Variants in CAST observed in about 807,000 individuals in gnomAD.
The protein encoded by CAST is MIR583 host.
CAST carries 76 observed loss-of-function variants against 119.6 expected under a neutral mutation model. The observed-to-expected ratio is 0.64, with a 90% CI of 0.53 to 0.77. The LOEUF (loss-of-function observed/expected upper bound fraction) is 0.77, where lower values mean the gene tolerates loss of function less well. Among genes scored for constraint, CAST ranks in the 30% least tolerant of loss-of-function variants. The pLI is 0.00. For synonymous variants in CAST, 319 were observed against 331.6 expected, an observed-to-expected ratio of 0.96 and a Z score of 0.41; for missense variants, 953 against 946.5, an observed-to-expected ratio of 1.01 and a Z score of -0.09.
At chr5:96,737,165 A>G (rs561722198) in intron 10 of CAST, among the ~76,000 whole-genome samples, 5 of 152,276 alleles carry the variant, frequency 3.3e-5, no homozygotes, top group Admixed American at 1.3e-4. Context: ...GGGGATTACA[A>G]TTGGAGTTGA....
the CAST span, among the ~76,000 whole-genome samples, chr5:96,070,574 A>G: frequency 1.3e-5 from 2 of 152,186 alleles, no homozygotes; most frequent in Non-Finnish European, 2.9e-5. Context: ...CTCATTTAGC[A>G]GCTGGGTGAT....
the CAST span, among the ~76,000 whole-genome samples, chr5:96,330,179 T>A: frequency 6.6e-6 from 1 of 152,230 alleles, no homozygotes; most frequent in Admixed American, 6.5e-5. Context: ...TATTTGACCA[T>A]TTTTTAAAAA....
intron 16 of CAST, 22 bp downstream of exon 16, chr5:96,742,778 T>C (rs1762973406): frequency 6.4e-7 from 1 of 1,550,712 alleles, no homozygotes; most frequent in South Asian, 1.1e-5. Context: ...AGAGTTGATT[T>C]ACAAAGCTTG....
At chr5:96,347,445 T>C in the CAST span, among the ~76,000 whole-genome samples, 1 of 152,202 alleles carries the variant, frequency 6.6e-6, no homozygotes, top group Non-Finnish European at 1.5e-5. Context: ...GGTGCACTCC[T>C]GTTCAAAGCT....
At chr5:96,661,444 G>C (rs75904839), upstream of CAST, among the ~76,000 whole-genome samples, 1 of 127,478 alleles carries the variant, frequency 7.8e-6, no homozygotes, top group African/African-American at 2.9e-5. Context: ...AAAAAAAAAA[G>C]GCTCTGCCTT....
chr5:96,409,538 A>C, the CAST span, among the ~76,000 whole-genome samples: 1 of 152,208 alleles, frequency 6.6e-6, no homozygotes, highest in African/African-American at 2.4e-5. Context: ...TTTCTTAAGG[A>C]GGGAGTTTTA....
chr5:96,320,828 G>T, the CAST span, among the ~76,000 whole-genome samples: 1 of 152,138 alleles, frequency 6.6e-6, no homozygotes, highest in Admixed American at 6.5e-5. Flanking sequence ...CAGGCTAGGG[G>T]GATGCAGTTG....
chr5:96,003,128 T>C, the CAST span, among the ~76,000 whole-genome samples: 2 of 152,104 alleles, frequency 1.3e-5, no homozygotes, highest in African/African-American at 4.8e-5. Flanking sequence ...TAGTCCCAGC[T>C]ACTTGAGTGG....
chr5:96,705,267 G>A (rs1188065596), intron 3 of CAST, among the ~76,000 whole-genome samples: 4 of 151,938 alleles, frequency 2.6e-5, no homozygotes, highest in Non-Finnish European at 5.9e-5. Context: ...GTAGTGAGCT[G>A]TGATTGTGCT....
At chr5:96,593,398 G>C (rs1300963456) in intron 1 of CAST, among the ~76,000 whole-genome samples, 1 of 152,166 alleles carries the variant, frequency 6.6e-6, no homozygotes, top group East Asian at 1.9e-4. Context: ...CGTTTCATGG[G>C]TGTGTGACCT....
At chr5:95,961,622 G>A in the CAST span, 1 of 1,607,668 alleles carries the variant, frequency 6.2e-7, no homozygotes, top group Non-Finnish European at 8.5e-7. Flanking sequence ...GTCTCGGTGA[G>A]CTTCACATGC....
At chr5:96,603,526 C>T (rs570218924) in intron 1 of CAST, among the ~76,000 whole-genome samples, 25 of 152,298 alleles carry the variant, frequency 1.6e-4, no homozygotes, top group African/African-American at 5.5e-4. Context: ...TCCTACTGAG[C>T]TCTTCAGGGG....
the CAST span, among the ~76,000 whole-genome samples, chr5:96,338,608 A>G: frequency 6.6e-6 from 1 of 152,176 alleles, no homozygotes; most frequent in East Asian, 1.9e-4. Flanking sequence ...TCACTTTTCA[A>G]TAAGTAGAAA....
the CAST span, among the ~76,000 whole-genome samples, chr5:96,316,710 A>G: frequency 2.6e-5 from 4 of 152,206 alleles, no homozygotes; most frequent in Non-Finnish European, 2.9e-5. Flanking sequence ...ATCCCAAAGG[A>G]TAATGATGCA....
chr5:95,969,976 T>C, the CAST span, among the ~76,000 whole-genome samples: 39 of 152,284 alleles, frequency 2.6e-4, no homozygotes, highest in African/African-American at 8.4e-4. Context: ...GGCAACACAC[T>C]TCCTTCTTAT....
the CAST span, among the ~76,000 whole-genome samples, chr5:96,170,542 T>G: frequency 3.3e-5 from 5 of 152,062 alleles, no homozygotes; most frequent in African/African-American, 1.2e-4. Flanking sequence ...TATTATGGGG[T>G]TTGAGGGCTG....
chr5:96,339,699 A>T, the CAST span, among the ~76,000 whole-genome samples: 1 of 152,198 alleles, frequency 6.6e-6, no homozygotes, highest in Non-Finnish European at 1.5e-5. Flanking sequence ...AAGTGTATCC[A>T]TACCAGTTAT....
chr5:96,017,807 T>C, the CAST span, among the ~76,000 whole-genome samples: 1 of 152,198 alleles, frequency 6.6e-6, no homozygotes, highest in African/African-American at 2.4e-5. Flanking sequence ...ATTTTATTTG[T>C]ATAGGTGCAT....
the CAST span, among the ~76,000 whole-genome samples, chr5:96,460,619 C>T: frequency 6.6e-6 from 1 of 150,560 alleles, no homozygotes; most frequent in Non-Finnish European, 1.5e-5. Context: ...TTAAAAGTGA[C>T]ATTCGATAGC....
Sources: gnomAD v4.1 joint callset for allele counts (sites outside exome capture counted in the v4.1 genomes callset) on GRCh38, gnomAD v4.1.1 for gene constraint, MANE v1.5 for transcripts, NCBI Gene and HGNC (gene_info 2026-07-23, HGNC 2026-07-21) for gene names.